The following SGCD variants were observed in gnomAD, a reference collection of about 807,000 sequenced individuals.
SGCD encodes the protein delta-sarcoglycan.
A neutral mutation model predicts 36.6 loss-of-function variants in SGCD; 18 were observed. The observed-to-expected ratio is 0.49, with a 90% CI of 0.34 to 0.73. The LOEUF is 0.73. SGCD is among the 30% of genes least tolerant of loss of function. SGCD has a pLI of 0.01. For synonymous variants in SGCD, 133 were observed against 130.6 expected (o/e 1.02, Z -0.12); for missense variants, 387 against 346.7 (o/e 1.12, Z -0.92).
At chr5:156,266,470 T>A (rs185199908) in intron 3 of SGCD, among the ~76,000 whole-genome samples, 256 of 152,322 alleles carry the variant, frequency 1.7e-3, no homozygotes, top group Admixed American at 3.9e-3. Flanking sequence ...TGATTTGACA[T>A]TTAAAAATGG....
chr5:155,951,496 G>T (rs1757547938), intron 1 of SGCD, among the ~76,000 whole-genome samples: 1 of 152,176 alleles, frequency 6.6e-6, no homozygotes, highest in Non-Finnish European at 1.5e-5. Context: ...AGTCAAGAAA[G>T]TGGTTATCCT....
At chr5:156,313,828 T>A (rs1767448307) in intron 3 of SGCD, among the ~76,000 whole-genome samples, 1 of 152,096 alleles carries the variant, frequency 6.6e-6, no homozygotes, top group South Asian at 2.1e-4. Flanking sequence ...ATTTTAGATT[T>A]CGCTACTAAT....
At chr5:155,890,618 T>C (rs1256359175) in intron 1 of SGCD, among the ~76,000 whole-genome samples, 3 of 128,402 alleles carry the variant, frequency 2.3e-5, no homozygotes, top group Non-Finnish European at 4.8e-5. Context: ...AATAGATAGG[T>C]AGGTAAGTAG....
intron 7 of SGCD, among the ~76,000 whole-genome samples, chr5:156,733,235 C>T (rs949016380): frequency 6.6e-6 from 1 of 151,848 alleles, no homozygotes; most frequent in Non-Finnish European, 1.5e-5. Flanking sequence ...GCTGTGTCCC[C>T]GAGATTCTGA....
chr5:156,312,409 G>A (rs182998394), intron 3 of SGCD, among the ~76,000 whole-genome samples: 243 of 152,084 alleles, frequency 1.6e-3, no homozygotes, highest in African/African-American at 5.6e-3. Context: ...TACCACATAG[G>A]GATTCTAAAA....
At chr5:156,444,101 TCTCTCTCTCTCTCTC>T (rs1753638260) in intron 3 of SGCD, among the ~76,000 whole-genome samples, 1 of 112,426 alleles carries the variant, frequency 8.9e-6, no homozygotes, top group African/African-American at 4.4e-5. Context: ...TCTCTCTCTC[TCTCTCTCTCTCTCTC>T]CCCTTCCCTC....
At chr5:156,629,407 T>C (rs1487733263) in intron 6 of SGCD, among the ~76,000 whole-genome samples, 1 of 152,202 alleles carries the variant, frequency 6.6e-6, no homozygotes, top group Admixed American at 6.5e-5. Flanking sequence ...ATCTTGCCTC[T>C]TGTAGAGGGC....
intron 3 of SGCD, among the ~76,000 whole-genome samples, chr5:156,145,717 A>G (rs17053245): frequency 0.078 from 11,925 of 152,210 alleles, 1,128 homozygotes; most frequent in African/African-American, 0.2. Flanking sequence ...AGAAAAATGA[A>G]GCACTTACTA....
At chr5:156,343,398 C>G (rs1463477479) in intron 2 of SGCD, among the ~76,000 whole-genome samples, 1 of 152,198 alleles carries the variant, frequency 6.6e-6, no homozygotes, top group East Asian at 1.9e-4. Context: ...AGTAGAGATG[C>G]TGTGCTCAGG....
intron 3 of SGCD, among the ~76,000 whole-genome samples, chr5:156,135,670 G>A (rs1762438662): frequency 6.6e-6 from 1 of 152,166 alleles, no homozygotes; most frequent in Non-Finnish European, 1.5e-5. Flanking sequence ...CAAGCTACCA[G>A]ACTTAATCTA....
At chr5:155,778,478 A>G in the SGCD span, among the ~76,000 whole-genome samples, 1 of 152,206 alleles carries the variant, frequency 6.6e-6, no homozygotes, top group East Asian at 1.9e-4. Context: ...TTGTCCCCCC[A>G]TACAGCAGTG....
intron 1 of SGCD, among the ~76,000 whole-genome samples, chr5:155,971,455 G>C (rs1264971796): frequency 6.6e-6 from 1 of 152,086 alleles, no homozygotes; most frequent in Non-Finnish European, 1.5e-5. Context: ...TTCCCATATA[G>C]CTGATACTGA....
intron 3 of SGCD, among the ~76,000 whole-genome samples, chr5:156,247,731 C>T (rs573519369): frequency 6.6e-6 from 1 of 152,260 alleles, no homozygotes; most frequent in East Asian, 1.9e-4. Flanking sequence ...AAAGTCATAG[C>T]TTTGGAAACA....
chr5:155,937,070 T>C (rs1431085385), intron 1 of SGCD, among the ~76,000 whole-genome samples: 1 of 152,122 alleles, frequency 6.6e-6, no homozygotes, highest in Non-Finnish European at 1.5e-5. Context: ...AGGGAAAGCC[T>C]TCCCAGGACC....
intron 3 of SGCD, among the ~76,000 whole-genome samples, chr5:156,440,549 T>C (rs564167615): frequency 6.6e-6 from 1 of 152,298 alleles, no homozygotes; most frequent in South Asian, 2.1e-4. Flanking sequence ...CTATTTTCTG[T>C]TATGGCTGTA....
intron 4 of SGCD, among the ~76,000 whole-genome samples, chr5:156,550,023 A>G (rs1033376078): frequency 4.6e-5 from 7 of 152,234 alleles, no homozygotes; most frequent in African/African-American, 1.7e-4. Context: ...GGTTTCTACC[A>G]TTATTATACC....
chr5:156,520,813 A>G (rs1757370301), intron 4 of SGCD, among the ~76,000 whole-genome samples: 1 of 151,936 alleles, frequency 6.6e-6, no homozygotes, highest in South Asian at 2.1e-4. Context: ...GTCAGGAGAT[A>G]GAGATGGTCC....
chr5:156,524,568 C>T lies in SGCD; in HGVS notation c.294+15866C>T, dbSNP rs77308344. ...AACCAATAACGTATTCACCACCTCA[C>T]ATAATTGCCTTATTTTATGCATGTG... On this transcript the variant is annotated intron_variant, in intron 4 of 8. Transcript: ENST00000337851. Among the ~76,000 whole-genome samples, 1,329 of 151,882 alleles carry T rather than the reference C, an allele frequency of 8.8e-3. 9 individuals are homozygous for T. Among genetic ancestry groups the T allele is most frequent in the African/African-American group, 0.03 (1,257 of 41,462 alleles).
At chr5:156,003,803 T>C (rs932994542) in intron 1 of SGCD, among the ~76,000 whole-genome samples, 1 of 152,170 alleles carries the variant, frequency 6.6e-6, no homozygotes, top group Non-Finnish European at 1.5e-5. Flanking sequence ...AGGGCCCCCA[T>C]AGATTTTCCC....
Sources: allele counts gnomAD v4.1 joint callset (sites outside exome capture counted in the v4.1 genomes callset), GRCh38; gene constraint gnomAD v4.1.1; transcripts MANE v1.5; gene names NCBI Gene and HGNC (gene_info 2026-07-23, HGNC 2026-07-21).